PPARG: variants seen among roughly 807,000 people sequenced by gnomAD.
PPARG encodes peroxisome proliferator activated receptor gamma.
A neutral mutation model predicts 39.2 loss-of-function variants in PPARG; 17 were observed. That is an observed-to-expected ratio of 0.43 (90% confidence interval 0.30 to 0.65). PPARG has a LOEUF of 0.65. Ranked by LOEUF, PPARG falls within the 30% of genes least tolerant of loss-of-function variation. PPARG has a pLI of 0.13. For synonymous variants in PPARG, 223 were observed against 215.7 expected (o/e 1.03, Z -0.30); for missense variants, 406 against 585.9 (o/e 0.69, Z 3.17).
chr3:12,360,861 T>C (rs1166602670), intron 2 of PPARG, among the ~76,000 whole-genome samples: 8 of 152,208 alleles, frequency 5.3e-5, no homozygotes, highest in Non-Finnish European at 1.0e-4. Flanking sequence ...GTTTTCAGTA[T>C]TGCAAATAGT....
intron 7 of PPARG, among the ~76,000 whole-genome samples, chr3:12,422,543 T>G (rs899706295): frequency 1.3e-5 from 2 of 152,144 alleles, no homozygotes; most frequent in African/African-American, 4.8e-5. Flanking sequence ...TTGGCGGTTA[T>G]CAAAAACTGC....
chr3:12,340,522 G>A (rs2048153360), intron 2 of PPARG, among the ~76,000 whole-genome samples: 3 of 152,056 alleles, frequency 2.0e-5, no homozygotes, highest in Admixed American at 2.0e-4. Context: ...TCAATAAAAT[G>A]TTTCCAAAGT....
intron 5 of PPARG, among the ~76,000 whole-genome samples, chr3:12,394,656 C>G (rs2050194595): frequency 2.0e-5 from 3 of 152,282 alleles, no homozygotes; most frequent in Admixed American, 1.3e-4. Flanking sequence ...AAATTGCAAA[C>G]ATAACTAAGA....
At chr3:12,348,145 C>T (rs1401248911) in intron 2 of PPARG, among the ~76,000 whole-genome samples, 1 of 152,046 alleles carries the variant, frequency 6.6e-6, no homozygotes, top group Non-Finnish European at 1.5e-5. Flanking sequence ...AATGCAGGCT[C>T]CAAAGTATTT....
At chr3:12,423,862 C>G (rs1420008060) in intron 7 of PPARG, among the ~76,000 whole-genome samples, 1 of 152,192 alleles carries the variant, frequency 6.6e-6, no homozygotes, top group African/African-American at 2.4e-5. Flanking sequence ...TTCTCTTGAG[C>G]AGGACAACAG....
chr3:12,381,841 G>T (rs1017528811), intron 4 of PPARG, among the ~76,000 whole-genome samples: 6 of 152,200 alleles, frequency 3.9e-5, no homozygotes, highest in Admixed American at 6.5e-5. Context: ...TTACAAAAAG[G>T]TGACTTCTCC....
intron 2 of PPARG, among the ~76,000 whole-genome samples, chr3:12,375,619 T>C (rs2049378346): frequency 6.6e-6 from 1 of 152,172 alleles, no homozygotes; most frequent in African/African-American, 2.4e-5. Flanking sequence ...AAATTAAGCC[T>C]GCCAAGGAGA....
chr3:12,307,442 C>G (rs563837035), intron 1 of PPARG, among the ~76,000 whole-genome samples: 1 of 152,160 alleles, frequency 6.6e-6, no homozygotes, highest in African/African-American at 2.4e-5. Flanking sequence ...ACAATAATCC[C>G]TTCCCCTACT....
chr3:12,376,075 G>A (rs148209795), intron 2 of PPARG, among the ~76,000 whole-genome samples: 6 of 151,752 alleles, frequency 4.0e-5, no homozygotes, highest in African/African-American at 1.2e-4. Context: ...TCAGCTTCCC[G>A]AGTAGCTGGG....
intron 3 of PPARG, 137 bp downstream of exon 3, chr3:12,380,068 T>A: frequency 1.2e-6 from 1 of 869,240 alleles, no homozygotes; most frequent in Non-Finnish European, 1.9e-6. Flanking sequence ...TTCACCCATT[T>A]ATCCATGAAA....
intron 2 of PPARG, among the ~76,000 whole-genome samples, chr3:12,352,722 T>A (rs2048528233): frequency 6.6e-6 from 1 of 152,258 alleles, no homozygotes; most frequent in Admixed American, 6.5e-5. Context: ...TCACCGTTTT[T>A]AAAATATAAA....
chr3:12,353,914 A>T (rs567008448), intron 2 of PPARG, among the ~76,000 whole-genome samples: 4 of 152,342 alleles, frequency 2.6e-5, no homozygotes, highest in Non-Finnish European at 4.4e-5. Flanking sequence ...TGCCAGACTT[A>T]GTCCTGTGTG....
At chr3:12,412,704 G>C (rs961051308) in intron 6 of PPARG, among the ~76,000 whole-genome samples, 8 of 152,258 alleles carry the variant, frequency 5.3e-5, no homozygotes, top group African/African-American at 1.7e-4. Flanking sequence ...CTTCCCTTGT[G>C]CAGAAGTCCT....
At chr3:12,388,898 G>A (rs1280773957) in intron 4 of PPARG, among the ~76,000 whole-genome samples, 2 of 152,172 alleles carry the variant, frequency 1.3e-5, no homozygotes, top group East Asian at 1.9e-4. Context: ...TAAAAATTCA[G>A]TGGAAGGGTT....
intron 5 of PPARG, among the ~76,000 whole-genome samples, chr3:12,398,393 C>T (rs926079363): frequency 1.3e-5 from 2 of 152,002 alleles, no homozygotes; most frequent in African/African-American, 2.4e-5. Flanking sequence ...ATGAATTAAC[C>T]AAGAGAGGAA....
At chr3:12,391,807 G>A (rs375467263) in intron 4 of PPARG, among the ~76,000 whole-genome samples, 13 of 152,252 alleles carry the variant, frequency 8.5e-5, no homozygotes, top group African/African-American at 1.9e-4. Flanking sequence ...ACATTTGAAA[G>A]AATTAGCAAT....
intron 5 of PPARG, among the ~76,000 whole-genome samples, chr3:12,394,221 C>T (rs1243464260): frequency 1.3e-5 from 2 of 152,184 alleles, no homozygotes; most frequent in Non-Finnish European, 2.9e-5. Context: ...CCTAGGAAAG[C>T]ATGCCAGTTC....
At chr3:12,335,415 TAA>T (rs1034441462) in intron 2 of PPARG, among the ~76,000 whole-genome samples, 9 of 152,246 alleles carry the variant, frequency 5.9e-5, no homozygotes, top group African/African-American at 2.2e-4. Flanking sequence ...TTTGACCATT[TAA>T]AAATATTTTT....
intron 1 of PPARG, among the ~76,000 whole-genome samples, chr3:12,298,275 G>A (rs1296789159): frequency 7.7e-6 from 1 of 129,524 alleles, no homozygotes; most frequent in Non-Finnish European, 1.6e-5. Flanking sequence ...CTCCAGCCTG[G>A]GCGACAGAGC....
Sources: gnomAD v4.1 joint callset for allele counts (sites outside exome capture counted in the v4.1 genomes callset) on GRCh38, gnomAD v4.1.1 for gene constraint, MANE v1.5 for transcripts, NCBI Gene and HGNC (gene_info 2026-07-23, HGNC 2026-07-21) for gene names.